Variants in DKK4 observed in about 807,000 individuals in gnomAD.
DKK4 encodes dickkopf Wnt signaling pathway inhibitor 4.
In DKK4, 15 loss-of-function variants were observed where a neutral mutation model predicts 14.5. The ratio of observed to expected loss-of-function variants is 1.03; its 90% CI spans 0.69 to 1.59. The LOEUF is 1.59. DKK4 is among the 40% of genes most tolerant of loss of function. The pLI is 0.00. For synonymous variants in DKK4, 89 were observed against 105.2 expected, an observed-to-expected ratio of 0.85 and a Z score of 0.94; for missense variants, 272 against 280.3, an observed-to-expected ratio of 0.97 and a Z score of 0.21.
At chr8:42,390,932 T>A in the DKK4 span, among the ~76,000 whole-genome samples, 2 of 152,164 alleles carry the variant, frequency 1.3e-5, no homozygotes, top group Admixed American at 6.5e-5. Context: ...GGGTGATACT[T>A]TGAAACCATA....
At chr8:42,380,574 C>T (rs1585937882), upstream of DKK4, among the ~76,000 whole-genome samples, 1 of 112,572 alleles carries the variant, frequency 8.9e-6, no homozygotes, top group South Asian at 2.8e-4. Flanking sequence ...GAAAGGAAGA[C>T]AAACGAAAGG....
the DKK4 span, among the ~76,000 whole-genome samples, chr8:42,389,955 G>T: frequency 1.3e-5 from 2 of 149,664 alleles, no homozygotes; most frequent in African/African-American, 5.1e-5. Context: ...GCAATGGCAC[G>T]ATCTTGGCTC....
intron 2 of DKK4, 69 bp downstream of exon 2, chr8:42,375,611 A>G: frequency 6.3e-7 from 1 of 1,583,608 alleles, no homozygotes; most frequent in Non-Finnish European, 8.6e-7. Context: ...CTACCCTGGA[A>G]TATTCTAGTC....
intron 3 of DKK4, 149 bp downstream of exon 3, chr8:42,374,612 G>C (rs1342029343): frequency 8.0e-7 from 1 of 1,247,904 alleles, no homozygotes; most frequent in Non-Finnish European, 1.1e-6. Context: ...GACCCCCACA[G>C]CTTCTTACAG....
chr8:42,383,769 C>T, the DKK4 span, among the ~76,000 whole-genome samples: 25 of 152,258 alleles, frequency 1.6e-4, no homozygotes, highest in Admixed American at 1.4e-3. Flanking sequence ...ATGGCGAAAC[C>T]CCGTCTCTAC....
chr8:42,375,623 A>C (rs1353228304), intron 2 of DKK4, 57 bp downstream of exon 2: 1 of 1,603,458 alleles, frequency 6.2e-7, no homozygotes, highest in African/African-American at 1.3e-5. Context: ...ATTCTAGTCT[A>C]TGGGGCTTAG....
chr8:42,379,539 A>T (rs1272080727), upstream of DKK4, among the ~76,000 whole-genome samples: 1 of 151,486 alleles, frequency 6.6e-6, no homozygotes, highest in Non-Finnish European at 1.5e-5. Context: ...ATGTATTATG[A>T]CAAGCACTAA....
Position 42,376,917 on chromosome 8 carries a change from C to G in DKK4, c.111+18G>C, listed in dbSNP as rs199834183. On this transcript the variant is annotated intron_variant, in intron 1 of 3. Transcript: ENST00000220812. ...TGTCAGCAGTCCCGTACCTCGCCCC[C>G]CTCCCTAGCAGCCTTACCTTCCGGG... 1.1e-4 allele frequency: 182 copies of G among 1,607,642 alleles called. 3 individuals are homozygous for G. The African/African-American group carries it at 1.3e-3, about 12-fold the overall frequency.
At chr8:42,384,769 C>T in the DKK4 span, among the ~76,000 whole-genome samples, 1 of 152,196 alleles carries the variant, frequency 6.6e-6, no homozygotes, top group Admixed American at 6.5e-5. Flanking sequence ...GGGATCTGAA[C>T]ACAAGAATTC....
chr8:42,377,327 C>A, upstream of DKK4: 1 of 383,946 alleles, frequency 2.6e-6, no homozygotes, highest in Non-Finnish European at 4.7e-6. Flanking sequence ...CAAATCCCTT[C>A]AAATCTGTTT....
intron 3 of DKK4, 118 bp from the exon 4 acceptor site, chr8:42,374,477 C>T: frequency 7.3e-7 from 1 of 1,363,398 alleles, no homozygotes. Flanking sequence ...AAAACAGACA[C>T]AGCACGCAGG....
rs1490858429 is a variant in DKK4 at position 42,375,818 on chromosome 8, G to T, written c.124C>A (p.Leu42Met). The change falls in exon 2 of 4, where the codon CTG becomes ATG. Residue 42 changes from leucine to methionine, a missense_variant. By Grantham distance (15) the Leu-to-Met change is conservative (BLOSUM62 2). Transcript: ENST00000220812. The stretch of plus-strand genomic sequence containing the variant: ...CTGGTATTGCAGTCCGTGTCAGACA[G>T]GCACTGTGAGCCCTGTGGAGGGAAT... ...LHGARKGSQC[L>M]SDTDCNTRKF... is the part of the protein sequence containing the mutation. The T allele has an allele frequency of 6.2e-7, 1 of 1,614,034 alleles. No homozygotes were observed. The highest frequency in any genetic ancestry group is 1.1e-5 in the South Asian group (1 of 91,050).
upstream of DKK4, among the ~76,000 whole-genome samples, chr8:42,380,617 AAG>A (rs754026954): frequency 2.0e-5 from 3 of 146,582 alleles, no homozygotes; most frequent in East Asian, 4.0e-4. Context: ...GAGAAAGAAA[AAG>A]AGAAAGAAAG....
At chr8:42,383,995 G>A in the DKK4 span, among the ~76,000 whole-genome samples, 1 of 152,042 alleles carries the variant, frequency 6.6e-6, no homozygotes, top group South Asian at 2.1e-4. Context: ...TAGGTCCTAA[G>A]GGCCACACCC....
chr8:42,377,929 T>C (rs1260801284), upstream of DKK4, among the ~76,000 whole-genome samples: 3 of 152,246 alleles, frequency 2.0e-5, no homozygotes, highest in African/African-American at 7.2e-5. Flanking sequence ...CACAATTCAG[T>C]ACGAAGCTTT....
At chr8:42,379,014 G>T (rs1440924285), upstream of DKK4, among the ~76,000 whole-genome samples, 1 of 151,386 alleles carries the variant, frequency 6.6e-6, no homozygotes, top group Non-Finnish European at 1.5e-5. Flanking sequence ...ACTTTGGGAG[G>T]CTGAGGTGGA....
chr8:42,381,335 A>T (rs1824675698), upstream of DKK4, among the ~76,000 whole-genome samples: 1 of 152,160 alleles, frequency 6.6e-6, no homozygotes, highest in Non-Finnish European at 1.5e-5. Flanking sequence ...CCTTGAGAAA[A>T]GCTGTCCGCA....
In DKK4 at chr8:42,374,870, CCTTT is replaced by C. The variant is rs1423220481; in HGVS notation, c.302_305del (p.Glu101GlyfsTer45). ...GTGTGCCATCTTGCTCATCAAGCTG[CCTTT>C]CTAATATTGGGGTTGCATCTTCCAT... is the stretch of plus-strand genomic sequence containing the variant. On this transcript the variant is annotated frameshift_variant, in exon 3 of 4. Coordinates refer to ENST00000220812, the MANE Select transcript of DKK4 (RefSeq NM_014420.3). LOFTEE classifies it high-confidence loss of function. 6.2e-6 allele frequency: 10 copies of C among 1,614,052 alleles called. No homozygotes were observed. Among genetic ancestry groups the C allele is most frequent in the Non-Finnish European group, 8.5e-6 (10 of 1,180,052 alleles).
rs982154368 is a variant in DKK4, at chr8:42,374,216, C to T, written c.559G>A (p.Ala187Thr). ...TCGCAACGCTGGAAGATTTCTGGAG[C>T]TTGAGCAGTGTCTTTATGCCCTCTT... ...SRRGHKDTAQ[A>T]PEIFQRCDCG... Residue 187 changes from alanine to threonine, a missense_variant, in exon 4 of 4, where the codon GCT (alanine) becomes ACT (threonine). By Grantham distance (58) the Ala-to-Thr change is moderately conservative. Transcript: ENST00000220812. 12 of 1,613,644 alleles carry T rather than the reference C, an allele frequency of 7.4e-6. No homozygotes were observed. The highest frequency in any genetic ancestry group is 9.3e-6 in the Non-Finnish European group (11 of 1,179,966).
Sources: allele counts gnomAD v4.1 joint callset (sites outside exome capture counted in the v4.1 genomes callset), GRCh38; gene constraint gnomAD v4.1.1; transcripts MANE v1.5; gene names NCBI Gene and HGNC (gene_info 2026-07-23, HGNC 2026-07-21).